The following NINJ2 variants were observed in gnomAD, a reference collection of about 807,000 sequenced individuals.
NINJ2 encodes ninjurin 2, also known as ninjurin-2.
NINJ2 carries 12 observed loss-of-function variants against 11.7 expected under a neutral mutation model. That is an observed-to-expected ratio of 1.02 (90% CI 0.66 to 1.66). NINJ2 has a LOEUF of 1.66. Ranked by LOEUF, NINJ2 falls within the 40% of genes most tolerant of loss-of-function variation. NINJ2 has a pLI of 0.00. For synonymous variants in NINJ2, 93 were observed against 76.8 expected, an observed-to-expected ratio of 1.21 and a Z score of -1.10; for missense variants, 187 against 181.8, an observed-to-expected ratio of 1.03 and a Z score of -0.16.
rs1010012565 is a variant in NINJ2 at position 610,311 on chromosome 12, G to C, written c.34-44133C>G. 5 of 1,519,436 alleles carry C rather than the reference G, an allele frequency of 3.3e-6. No individual in the cohort carries two copies. In the Admixed American group the frequency reaches 9.8e-5, roughly 30 times the overall value. 94.1% of individuals were successfully genotyped at this position (1,519,436 alleles called of 1,614,324 possible). On this transcript the variant is annotated intron_variant, in intron 1 of 3. Transcript: ENST00000305108. Reference sequence around the variant, plus strand: ...CCCAGTGCCCAGCACCCAGTGCTGAGCTGGTGAAGATCCCGTGGCCAGAGG... The same window carrying C: ...CCCAGTGCCCAGCACCCAGTGCTGACCTGGTGAAGATCCCGTGGCCAGAGG...
At position 591,321 on chromosome 12, in the gene NINJ2, C is replaced by T. The variant is rs930759330; in HGVS notation, c.34-25143G>A. 5.3e-5 allele frequency: 8 copies of T among 152,212 alleles called. No homozygotes were observed. The highest frequency in any genetic ancestry group is 1.4e-4 in the African/African-American group (6 of 41,432). 9.4% of individuals were successfully genotyped at this position (152,212 alleles called of 1,614,324 possible). ...TGCCATGCCTAGATCTTACAATTCCCGGCAGCATCTCCCTTCACCTCCTGC... is the reference window on the plus strand; with the variant it reads ...TGCCATGCCTAGATCTTACAATTCCTGGCAGCATCTCCCTTCACCTCCTGC... On this transcript the variant is annotated intron_variant, in intron 1 of 3. Transcript: ENST00000305108. This position sits in a 1 kb window ranked among gnomAD's most constrained non-coding sequence, Gnocchi z 5.0.
rs2120441969 is a variant in NINJ2, at chr12:633,333, ACTAAAAATACAAAAATTAGCCAGACATGG to A, written c.33+29966_33+29994del. 6.6e-6 allele frequency among the ~76,000 whole-genome samples: 1 copy of A among 152,220 alleles called. No individual in the cohort carries two copies. Among genetic ancestry groups the A allele is most frequent in the African/African-American group, 2.4e-5 (1 of 41,524 alleles). On this transcript the variant is annotated intron_variant, in intron 1 of 3. Transcript: ENST00000305108. This position sits in a 1 kb window ranked among gnomAD's most constrained non-coding sequence, Gnocchi z 4.3. ...GCCAACATGGTGAAACCCTGTCTCT[ACTAAAAATACAAAAATTAGCCAGACATGG>A]TGGCACGTGCCTGTAATCCCAGCTA...
chr12:645,492 T>C (rs1246875379), intron 1 of NINJ2: 3 of 152,202 alleles, frequency 2.0e-5, no homozygotes, highest in Non-Finnish European at 4.4e-5. Context: ...AATTATTTAG[T>C]ATTTTCATCA....
intron 1 of NINJ2, chr12:643,234 G>C: frequency 6.1e-6 from 1 of 162,622 alleles, no homozygotes; most frequent in Middle Eastern, 5.2e-4. Context: ...GGCCCACAGC[G>C]CCCCTCCTGT....
At chr12:611,700 C>A (rs978653552) in intron 1 of NINJ2, among the ~76,000 whole-genome samples, 2 of 152,252 alleles carry the variant, frequency 1.3e-5, no homozygotes, top group Admixed American at 1.3e-4. Flanking sequence ...AGTCTAAACT[C>A]CTCCTGGTTA....
At chr12:575,328 C>T (rs946847646) in intron 1 of NINJ2, among the ~76,000 whole-genome samples, 8 of 152,184 alleles carry the variant, frequency 5.3e-5, no homozygotes, top group Non-Finnish European at 7.3e-5. Flanking sequence ...CCCTGAAGAG[C>T]GAACCCTGTG....
At chr12:658,062 G>A (rs1042703529) in intron 1 of NINJ2, among the ~76,000 whole-genome samples, 4 of 136,656 alleles carry the variant, frequency 2.9e-5, no homozygotes, top group Non-Finnish European at 4.6e-5. Flanking sequence ...GCAGTGGTGC[G>A]ATCTCAGCTG....
intron 1 of NINJ2, among the ~76,000 whole-genome samples, chr12:641,304 C>T (rs917022168): frequency 5.9e-5 from 9 of 151,990 alleles, no homozygotes; most frequent in Non-Finnish European, 7.4e-5. Flanking sequence ...CCCTTCCCTC[C>T]CCCAACCCAA....
intron 1 of NINJ2, among the ~76,000 whole-genome samples, chr12:596,662 C>T (rs1251171377): frequency 1.3e-5 from 2 of 152,168 alleles, no homozygotes; most frequent in Non-Finnish European, 2.9e-5. Context: ...GTGGCTCACA[C>T]CTATAATCCC....
chr12:643,480 C>T (rs1174620381), intron 1 of NINJ2: 2 of 988,124 alleles, frequency 2.0e-6, no homozygotes, highest in Non-Finnish European at 2.4e-6. Flanking sequence ...AGACCCGATT[C>T]GGGAACACGG....
intron 1 of NINJ2, among the ~76,000 whole-genome samples, chr12:572,850 A>ATTTTTTTT (rs539715060): frequency 5.2e-5 from 5 of 96,150 alleles, no homozygotes; most frequent in African/African-American, 1.3e-4. Context: ...AGAGCCTGTA[A>ATTTTTTTT]TTTTTTTTTT....
chr12:566,859 A>C (rs12309451), intron 1 of NINJ2, among the ~76,000 whole-genome samples: 1 of 152,236 alleles, frequency 6.6e-6, no homozygotes, highest in Non-Finnish European at 1.5e-5. Context: ...TTGAAGCATA[A>C]TTTACTAAAG....
At position 600,185 on chromosome 12, in the gene NINJ2, T is replaced by A. The variant is rs536040844; in HGVS notation, c.34-34007A>T. The stretch of plus-strand genomic sequence containing the variant: ...TGCAGCTGAGTCCTTCTGGGAGACA[T>A]GCAATGAAGGTGGTCAAGGCTATGA... On this transcript the variant is annotated intron_variant, in intron 1 of 3. Coordinates refer to ENST00000305108, the MANE Select transcript of NINJ2 (RefSeq NM_016533.6). Among the ~76,000 whole-genome samples, 4 of 152,158 alleles carry A rather than the reference T, an allele frequency of 2.6e-5. No individual in the cohort carries two copies. The South Asian group carries it at 8.3e-4, about 32-fold the overall frequency.
At chr12:622,374 C>T (rs1870202) in intron 1 of NINJ2, among the ~76,000 whole-genome samples, 79,482 of 137,584 alleles carry the variant, frequency 0.58, 23,711 homozygotes, top group Non-Finnish European at 0.65. Flanking sequence ...CACGCCACTG[C>T]ACTCCAGCCT....
intron 1 of NINJ2, among the ~76,000 whole-genome samples, chr12:584,980 G>A (rs1265963869): frequency 2.0e-5 from 3 of 152,100 alleles, no homozygotes; most frequent in South Asian, 4.1e-4. Flanking sequence ...TTAGCTGGGC[G>A]TGGTGGCGGG....
At chr12:567,284 C>T (rs1291910056) in intron 1 of NINJ2, among the ~76,000 whole-genome samples, 1 of 149,476 alleles carries the variant, frequency 6.7e-6, no homozygotes, top group African/African-American at 2.5e-5. Context: ...GAAGATGACC[C>T]AGCAGATCAC....
chr12:646,262 G>A (rs115963448), intron 1 of NINJ2, among the ~76,000 whole-genome samples: 163 of 152,152 alleles, frequency 1.1e-3, no homozygotes, highest in African/African-American at 3.7e-3. Context: ...TTTCTCCTAC[G>A]CAGTGAAGCG....
intron 1 of NINJ2, among the ~76,000 whole-genome samples, chr12:662,735 G>T (rs1235660206): frequency 6.6e-6 from 1 of 152,148 alleles, no homozygotes; most frequent in Non-Finnish European, 1.5e-5. Flanking sequence ...TGGAACCTCT[G>T]ATGCCTTCCA....
chr12:634,265 C>CTTTTTTGTTTTTTTTTTTTTTTTTTTTTT, intron 1 of NINJ2, among the ~76,000 whole-genome samples: 1 of 59,480 alleles, frequency 1.7e-5, no homozygotes, highest in Non-Finnish European at 3.1e-5. Flanking sequence ...AGTTGCAGTT[C>CTTTTTTGTTTTTTTTTTTTTTTTTTTTTT]TTTTTTTTTT....
Sources: allele counts gnomAD v4.1 joint callset (sites outside exome capture counted in the v4.1 genomes callset), GRCh38; gene constraint gnomAD v4.1.1; non-coding constraint Gnocchi (gnomAD v3.1); transcripts MANE v1.5; gene names NCBI Gene and HGNC (gene_info 2026-07-23, HGNC 2026-07-21).